APBA2: variants seen among roughly 807,000 people sequenced by gnomAD.
APBA2 encodes the protein amyloid-beta A4 precursor protein-binding family A member 2.
A neutral mutation model predicts 75.0 loss-of-function variants in APBA2; 30 were observed. The observed-to-expected ratio is 0.40, with a 90% CI of 0.30 to 0.54. The LOEUF is 0.54. Ranked by LOEUF, APBA2 falls within the 20% of genes least tolerant of loss-of-function variation. The probability of loss-of-function intolerance (pLI) is 0.49; values close to 1 mark genes in which losing one functional copy is unlikely to be tolerated. For synonymous variants in APBA2, 444 were observed against 409.6 expected (o/e 1.08, Z -1.01); for missense variants, 801 against 1,016.1 (o/e 0.79, Z 2.88).
chr15:28,912,256 C>T (rs1015233712), intron 1 of APBA2, among the ~76,000 whole-genome samples: 2 of 152,140 alleles, frequency 1.3e-5, no homozygotes, highest in African/African-American at 4.8e-5. Context: ...AGAGTCAGGC[C>T]ATTTCAAGGA....
At chr15:28,965,610 T>A (rs1430990720) in intron 2 of APBA2, among the ~76,000 whole-genome samples, 3 of 152,232 alleles carry the variant, frequency 2.0e-5, no homozygotes, top group Admixed American at 2.0e-4. Context: ...TGAGTATGTC[T>A]CTTCAGTATT....
intron 2 of APBA2, among the ~76,000 whole-genome samples, chr15:28,981,463 C>G (rs1465914053): frequency 1.3e-5 from 2 of 152,188 alleles, no homozygotes; most frequent in Non-Finnish European, 1.5e-5. Context: ...GAGATACCAT[C>G]TCACATCAGT....
intron 3 of APBA2, among the ~76,000 whole-genome samples, chr15:29,048,570 G>C (rs2041451777): frequency 1.3e-5 from 2 of 152,154 alleles, no homozygotes; most frequent in Non-Finnish European, 2.9e-5. Flanking sequence ...AAATGGCATG[G>C]TACTGTTGCT....
At chr15:29,108,603 A>T (rs1309034041) in intron 13 of APBA2, 1 of 701,814 alleles carries the variant, frequency 1.4e-6, no homozygotes, top group Non-Finnish European at 2.3e-6. Context: ...ATGGCCGTGG[A>T]TTGGGCCCCT....
chr15:29,004,191 G>A (rs1364004753), intron 3 of APBA2, among the ~76,000 whole-genome samples: 1 of 152,174 alleles, frequency 6.6e-6, no homozygotes, highest in Non-Finnish European at 1.5e-5. Context: ...CCTTCTAAAA[G>A]CCAAGTTCTA....
chr15:29,052,548 G>C (rs540667660), intron 3 of APBA2, among the ~76,000 whole-genome samples: 1 of 151,934 alleles, frequency 6.6e-6, no homozygotes, highest in South Asian at 2.1e-4. Context: ...CCCCAGAAGA[G>C]AGAATAGCCT....
At chr15:28,896,615 G>A (rs926050309) in intron 1 of APBA2, among the ~76,000 whole-genome samples, 11 of 152,120 alleles carry the variant, frequency 7.2e-5, no homozygotes, top group African/African-American at 2.7e-4. Flanking sequence ...CCAAACTCTG[G>A]TGTATTTAAT....
chr15:29,116,583 G>C (rs1342140070), intron 14 of APBA2, among the ~76,000 whole-genome samples: 1 of 149,292 alleles, frequency 6.7e-6, no homozygotes, highest in Non-Finnish European at 1.5e-5. Context: ...AGCCGAGATT[G>C]CACCACTGCA....
intron 6 of APBA2, among the ~76,000 whole-genome samples, chr15:29,084,749 C>T (rs1046636222): frequency 1.3e-5 from 2 of 152,186 alleles, no homozygotes; most frequent in African/African-American, 4.8e-5. Context: ...CCATCCGTCT[C>T]TTTTTTCTGT....
chr15:29,108,412 G>C (rs776226363), intron 13 of APBA2, 23 bp downstream of exon 13: 2 of 1,613,772 alleles, frequency 1.2e-6, no homozygotes, highest in Non-Finnish European at 1.7e-6. Context: ...TCCTGCTCTG[G>C]GCCACCACCA....
intron 1 of APBA2, among the ~76,000 whole-genome samples, chr15:28,904,455 T>C (rs1177024143): frequency 6.6e-6 from 1 of 152,242 alleles, no homozygotes; most frequent in Non-Finnish European, 1.5e-5. Flanking sequence ...TGTTTTTTAT[T>C]GGCAGATATT....
At chr15:29,091,063 C>T (rs537568181) in intron 6 of APBA2, among the ~76,000 whole-genome samples, 18 of 152,238 alleles carry the variant, frequency 1.2e-4, no homozygotes, top group African/African-American at 4.1e-4. Context: ...CTCCTGGTGA[C>T]AGGAGAATCC....
At chr15:29,065,809 C>T (rs1030449128) in intron 4 of APBA2, among the ~76,000 whole-genome samples, 4 of 152,206 alleles carry the variant, frequency 2.6e-5, no homozygotes, top group Non-Finnish European at 5.9e-5. Context: ...GTCCAGGCCT[C>T]CATCTGGTCC....
intron 2 of APBA2, among the ~76,000 whole-genome samples, chr15:28,962,216 A>G (rs1333979657): frequency 6.6e-6 from 1 of 152,098 alleles, no homozygotes; most frequent in Non-Finnish European, 1.5e-5. Context: ...ACCTGATTCT[A>G]GTTATCTTTG....
At chr15:28,995,649 A>G (rs964074095) in intron 2 of APBA2, 104 bp from the exon 3 acceptor site, 19 of 152,184 alleles carry the variant, frequency 1.2e-4, no homozygotes, top group Admixed American at 3.9e-4. Flanking sequence ...AGGTGATTCA[A>G]AGCCTCATAT....
At chr15:28,927,345 TTTTTG>T (rs1015672263) in intron 2 of APBA2, among the ~76,000 whole-genome samples, 9 of 120,094 alleles carry the variant, frequency 7.5e-5, no homozygotes, top group African/African-American at 2.3e-4. Flanking sequence ...TTTTGTTTTT[TTTTTG>T]TTTTGTTTTG....
At chr15:29,106,191 G>A (rs2044392361) in intron 11 of APBA2, among the ~76,000 whole-genome samples, 1 of 152,224 alleles carries the variant, frequency 6.6e-6, no homozygotes, top group Non-Finnish European at 1.5e-5. Flanking sequence ...CAAGAGTGAA[G>A]GCCGGGGGCA....
intron 1 of APBA2, among the ~76,000 whole-genome samples, chr15:28,912,991 A>G (rs569287482): frequency 2.9e-4 from 44 of 152,334 alleles, no homozygotes; most frequent in African/African-American, 1.0e-3. Flanking sequence ...TGTTGCTCCA[A>G]GGAGCTTGCA....
chr15:29,053,743 C>A, intron 3 of APBA2, 102 bp from the exon 4 acceptor site: 1 of 704,480 alleles, frequency 1.4e-6, no homozygotes, highest in African/African-American at 1.8e-5. Context: ...CCTCACATGG[C>A]TGCGGGAGGA....
Sources: gnomAD v4.1 joint callset for allele counts (sites outside exome capture counted in the v4.1 genomes callset) on GRCh38, gnomAD v4.1.1 for gene constraint, MANE v1.5 for transcripts, NCBI Gene and HGNC (gene_info 2026-07-23, HGNC 2026-07-21) for gene names.